Variants in CSMD1 observed in about 807,000 individuals in gnomAD.
The protein encoded by CSMD1 is CUB and sushi domain-containing protein 1.
CSMD1 carries 213 observed loss-of-function variants against 417.5 expected under a neutral mutation model. That is an observed-to-expected ratio of 0.51 (90% CI 0.46 to 0.57). The LOEUF is 0.57. Among genes scored for constraint, CSMD1 ranks in the 20% least tolerant of loss-of-function variants. The pLI, the probability that CSMD1 is intolerant of heterozygous loss-of-function variation, is 0.00. For missense variants in CSMD1, 6,923 were observed against 4,529.7 expected (o/e 1.53, Z -15.17); for synonymous variants, 2,862 against 1,736.8 (o/e 1.65, Z -16.11).
chr8:3,708,911 C>T (rs768495232), intron 6 of CSMD1, among the ~76,000 whole-genome samples: 14 of 152,258 alleles, frequency 9.2e-5, no homozygotes, highest in Non-Finnish European at 5.9e-5. Flanking sequence ...AGGCCAGTTG[C>T]TCATTCATGT....
intron 25 of CSMD1, among the ~76,000 whole-genome samples, chr8:3,293,573 C>G (rs150683397): frequency 6.6e-6 from 1 of 152,074 alleles, no homozygotes; most frequent in Non-Finnish European, 1.5e-5. Context: ...TCATTTCATT[C>G]ATTTCATCTT....
chr8:3,289,218 G>T (rs553964158), intron 25 of CSMD1, among the ~76,000 whole-genome samples: 1 of 147,308 alleles, frequency 6.8e-6, no homozygotes, highest in African/African-American at 2.7e-5. Flanking sequence ...TCTTAATCCA[G>T]TCTATCGTTG....
intron 3 of CSMD1, among the ~76,000 whole-genome samples, chr8:4,234,866 G>A (rs1234140135): frequency 2.0e-5 from 3 of 152,038 alleles, no homozygotes; most frequent in Non-Finnish European, 4.4e-5. Flanking sequence ...CTGTCCCCAC[G>A]TAGCTTTTCC....
intron 3 of CSMD1, among the ~76,000 whole-genome samples, chr8:4,071,492 A>G (rs1463026855): frequency 6.6e-6 from 1 of 152,074 alleles, no homozygotes; most frequent in Non-Finnish European, 1.5e-5. Flanking sequence ...TTTTTTCACC[A>G]AGAGCATTGC....
chr8:4,519,708 A>G (rs563504734), intron 2 of CSMD1, among the ~76,000 whole-genome samples: 133 of 127,292 alleles, frequency 1.0e-3, no homozygotes, highest in African/African-American at 3.6e-3. Flanking sequence ...GTACTACTGC[A>G]CTCCAGCCTA....
At chr8:3,017,142 T>C (rs1808904648) in intron 52 of CSMD1, among the ~76,000 whole-genome samples, 1 of 152,220 alleles carries the variant, frequency 6.6e-6, no homozygotes, top group Admixed American at 6.5e-5. Flanking sequence ...TTAATTTTCA[T>C]GTTTACAATT....
intron 2 of CSMD1, among the ~76,000 whole-genome samples, chr8:4,519,135 C>T (rs947898015): frequency 3.9e-5 from 6 of 152,196 alleles, no homozygotes; most frequent in African/African-American, 1.4e-4. Context: ...TAGTATTTTA[C>T]ATTTTGCATT....
At chr8:4,665,113 C>G (rs183076280) in intron 1 of CSMD1, among the ~76,000 whole-genome samples, 64 of 152,280 alleles carry the variant, frequency 4.2e-4, no homozygotes, top group African/African-American at 1.4e-3. Flanking sequence ...GCCCTGCCCT[C>G]TGTATTTCTG....
At chr8:4,331,751 C>T (rs1025876268) in intron 3 of CSMD1, among the ~76,000 whole-genome samples, 6 of 152,148 alleles carry the variant, frequency 3.9e-5, no homozygotes, top group Non-Finnish European at 5.9e-5. Context: ...TAACCAGCTT[C>T]GGTCCATGTG....
intron 4 of CSMD1, among the ~76,000 whole-genome samples, chr8:4,023,730 G>A (rs1327078450): frequency 6.9e-6 from 1 of 144,272 alleles, no homozygotes; most frequent in African/African-American, 2.6e-5. Flanking sequence ...GGGACTACAA[G>A]CGCCCACCGC....
intron 3 of CSMD1, among the ~76,000 whole-genome samples, chr8:4,126,946 G>T (rs1802798620): frequency 6.6e-6 from 1 of 152,048 alleles, no homozygotes; most frequent in Non-Finnish European, 1.5e-5. Flanking sequence ...AAGAGACCCT[G>T]CAGGTGAGGA....
intron 5 of CSMD1, among the ~76,000 whole-genome samples, chr8:3,770,885 T>C (rs904913537): frequency 6.6e-6 from 1 of 152,190 alleles, no homozygotes; most frequent in Admixed American, 6.5e-5. Context: ...TTTAGTCTCA[T>C]AGCATTTTGC....
chr8:3,038,265 T>G (rs957179007), intron 50 of CSMD1, among the ~76,000 whole-genome samples: 10 of 152,212 alleles, frequency 6.6e-5, no homozygotes, highest in African/African-American at 2.4e-4. Context: ...TTTGCAACTT[T>G]ATTACCTGAG....
chr8:3,028,826 A>G (rs1337202859), intron 51 of CSMD1, among the ~76,000 whole-genome samples: 5 of 152,194 alleles, frequency 3.3e-5, no homozygotes, highest in Admixed American at 6.5e-5. Flanking sequence ...CAATACTAGC[A>G]TTGTTTTATT....
chr8:3,739,730 A>G (rs965028128), intron 6 of CSMD1, among the ~76,000 whole-genome samples: 1 of 152,222 alleles, frequency 6.6e-6, no homozygotes, highest in African/African-American at 2.4e-5. Context: ...TAAACTATTG[A>G]TCCACAGTTA....
At chr8:4,246,270 G>T (rs780392826) in intron 3 of CSMD1, among the ~76,000 whole-genome samples, 1 of 152,058 alleles carries the variant, frequency 6.6e-6, no homozygotes, top group South Asian at 2.1e-4. Flanking sequence ...GATAACTTGT[G>T]CTATTTGGTT....
chr8:3,015,684 C>T (rs937658708), intron 52 of CSMD1, among the ~76,000 whole-genome samples: 3 of 151,956 alleles, frequency 2.0e-5, no homozygotes, highest in African/African-American at 7.3e-5. Flanking sequence ...TTTACCCCGG[C>T]ATGGTCCAGA....
At chr8:4,120,993 AC>A (rs1238017397) in intron 3 of CSMD1, among the ~76,000 whole-genome samples, 6 of 152,204 alleles carry the variant, frequency 3.9e-5, no homozygotes, top group African/African-American at 1.4e-4. Context: ...TGAAACATGA[AC>A]CTTTTGATGG....
chr8:3,417,397 T>C (rs938606961), intron 12 of CSMD1, among the ~76,000 whole-genome samples: 3 of 152,218 alleles, frequency 2.0e-5, no homozygotes, highest in African/African-American at 4.8e-5. Flanking sequence ...AAAACTCTTA[T>C]TGCCTGTGTA....
Sources: gnomAD v4.1 joint callset for allele counts (sites outside exome capture counted in the v4.1 genomes callset) on GRCh38, gnomAD v4.1.1 for gene constraint, MANE v1.5 for transcripts, NCBI Gene and HGNC (gene_info 2026-07-23, HGNC 2026-07-21) for gene names.